The following SGCD variants were observed in gnomAD, a reference collection of about 807,000 sequenced individuals.
SGCD encodes the protein sarcoglycan delta.
Under a neutral mutation model 36.6 loss-of-function variants are expected in SGCD, and 18 were observed. The ratio of observed to expected loss-of-function variants is 0.49; its 90% CI spans 0.34 to 0.73. SGCD has a LOEUF of 0.73. Ranked by LOEUF, SGCD falls within the 30% of genes least tolerant of loss-of-function variation. The pLI is 0.01. For missense variants in SGCD, 387 were observed against 346.7 expected (o/e 1.12, Z -0.92); for synonymous variants, 133 against 130.6 (o/e 1.02, Z -0.12).
At chr5:156,224,633 T>A (rs1452832320) in intron 3 of SGCD, among the ~76,000 whole-genome samples, 1 of 152,116 alleles carries the variant, frequency 6.6e-6, no homozygotes, top group Non-Finnish European at 1.5e-5. Context: ...GAAAGAACTG[T>A]GTGTGGAGGA....
chr5:156,068,907 T>A (rs1186140111), intron 1 of SGCD, among the ~76,000 whole-genome samples: 1 of 152,072 alleles, frequency 6.6e-6, no homozygotes, highest in Admixed American at 6.5e-5. Context: ...GTTTTTTGGC[T>A]GCGTAAATGT....
At chr5:156,037,956 G>A (rs1201503525) in intron 1 of SGCD, among the ~76,000 whole-genome samples, 2 of 152,268 alleles carry the variant, frequency 1.3e-5, no homozygotes, top group South Asian at 4.1e-4. Context: ...TAAAGTTTGA[G>A]GAGAGTCAAA....
At chr5:156,434,619 T>C (rs1285903213) in intron 3 of SGCD, among the ~76,000 whole-genome samples, 1 of 152,038 alleles carries the variant, frequency 6.6e-6, no homozygotes, top group Non-Finnish European at 1.5e-5. Flanking sequence ...TCAGGCAGGG[T>C]AGATTCAGGG....
intron 3 of SGCD, among the ~76,000 whole-genome samples, chr5:156,361,253 A>T (rs550715157): frequency 1.3e-5 from 2 of 152,366 alleles, no homozygotes; most frequent in African/African-American, 4.8e-5. Context: ...TGAAGGGGCC[A>T]AGAAAAATCT....
intron 1 of SGCD, among the ~76,000 whole-genome samples, chr5:155,973,619 A>G (rs944197053): frequency 6.6e-6 from 1 of 152,184 alleles, no homozygotes; most frequent in Non-Finnish European, 1.5e-5. Context: ...GTGGGGCCAT[A>G]TGAATATATA....
the SGCD span, among the ~76,000 whole-genome samples, chr5:155,846,045 G>A: frequency 6.6e-6 from 1 of 152,158 alleles, no homozygotes; most frequent in Non-Finnish European, 1.5e-5. Context: ...GAGCTCTGCA[G>A]CTATCCATGG....
At chr5:155,768,139 A>T in the SGCD span, among the ~76,000 whole-genome samples, 1 of 152,124 alleles carries the variant, frequency 6.6e-6, no homozygotes. Context: ...GTGAGGGGAA[A>T]GCTGGAGATG....
At chr5:156,674,785 A>G (rs1753443575) in intron 7 of SGCD, among the ~76,000 whole-genome samples, 2 of 152,206 alleles carry the variant, frequency 1.3e-5, no homozygotes, top group African/African-American at 4.8e-5. Context: ...TGTGACCAGC[A>G]TCGACTCCTT....
At chr5:156,048,595 A>T (rs1759834661) in intron 1 of SGCD, among the ~76,000 whole-genome samples, 1 of 151,944 alleles carries the variant, frequency 6.6e-6, no homozygotes, top group Non-Finnish European at 1.5e-5. Context: ...GCATTTTTTG[A>T]TGTGTCTTTT....
the SGCD span, among the ~76,000 whole-genome samples, chr5:155,826,627 C>T: frequency 6.6e-6 from 1 of 152,212 alleles, no homozygotes; most frequent in African/African-American, 2.4e-5. Flanking sequence ...AATATCACTT[C>T]TTCAGGTAGA....
At chr5:155,955,723 A>G (rs540379471) in intron 1 of SGCD, among the ~76,000 whole-genome samples, 14 of 152,110 alleles carry the variant, frequency 9.2e-5, no homozygotes, top group African/African-American at 2.6e-4. Flanking sequence ...ACTCTGATAT[A>G]CCAATACTTT....
intron 3 of SGCD, among the ~76,000 whole-genome samples, chr5:156,457,704 T>C (rs754092860): frequency 4.6e-5 from 7 of 152,208 alleles, no homozygotes; most frequent in Non-Finnish European, 8.8e-5. Context: ...CCTTTCCCTA[T>C]GCCGCTCATA....
At chr5:155,865,134 A>AGATG in the SGCD span, among the ~76,000 whole-genome samples, 1 of 151,998 alleles carries the variant, frequency 6.6e-6, no homozygotes, top group Non-Finnish European at 1.5e-5. Flanking sequence ...ATAGATAGAT[A>AGATG]TTTACTGTTT....
chr5:156,460,584 ATGT>A (rs1393853122), intron 3 of SGCD, among the ~76,000 whole-genome samples: 2 of 152,180 alleles, frequency 1.3e-5, no homozygotes, highest in African/African-American at 2.4e-5. Flanking sequence ...CTGGTTATCA[ATGT>A]TGTTGTATGA....
intron 1 of SGCD, among the ~76,000 whole-genome samples, chr5:156,013,140 C>T (rs1365543628): frequency 6.6e-6 from 1 of 151,754 alleles, no homozygotes; most frequent in Non-Finnish European, 1.5e-5. Context: ...ATTCTCCTGC[C>T]TCAGCCTCCT....
chr5:156,037,374 G>T (rs1182108181), intron 1 of SGCD, among the ~76,000 whole-genome samples: 1 of 152,172 alleles, frequency 6.6e-6, no homozygotes, highest in African/African-American at 2.4e-5. Flanking sequence ...AAACAGTGCA[G>T]CTGCAGTCAT....
intron 3 of SGCD, among the ~76,000 whole-genome samples, chr5:156,130,805 C>A (rs1269485489): frequency 2.6e-5 from 4 of 152,098 alleles, no homozygotes; most frequent in African/African-American, 7.2e-5. Flanking sequence ...TGACTCACCA[C>A]AACCTCTGCC....
intron 3 of SGCD, among the ~76,000 whole-genome samples, chr5:156,423,458 T>C (rs1377263244): frequency 1.5e-5 from 2 of 130,848 alleles, no homozygotes; most frequent in African/African-American, 5.8e-5. Flanking sequence ...TATTATAATA[T>C]ATTAATTAAA....
At chr5:156,605,146 C>T (rs192601630) in intron 6 of SGCD, among the ~76,000 whole-genome samples, 2 of 152,124 alleles carry the variant, frequency 1.3e-5, no homozygotes, top group Admixed American at 6.6e-5. Context: ...GTGTGCTGCA[C>T]CCATTAACTC....
Sources: gnomAD v4.1 joint callset for allele counts (sites outside exome capture counted in the v4.1 genomes callset) on GRCh38, gnomAD v4.1.1 for gene constraint, MANE v1.5 for transcripts, NCBI Gene and HGNC (gene_info 2026-07-23, HGNC 2026-07-21) for gene names.